Variants in MYT1L observed in about 807,000 individuals in gnomAD.
MYT1L encodes the protein myelin transcription factor 1-like protein.
A neutral mutation model predicts 126.7 loss-of-function variants in MYT1L; 12 were observed. The observed-to-expected ratio is 0.09, with a 90% CI of 0.06 to 0.15. The LOEUF is 0.15. MYT1L is among the 10% of genes least tolerant of loss of function. The pLI is 1.00. For missense variants in MYT1L, 979 were observed against 1,585.2 expected (o/e 0.62, Z 6.49); for synonymous variants, 541 against 604.2 (o/e 0.90, Z 1.53).
At chr2:2,199,332 C>T (rs775819226) in intron 2 of MYT1L, among the ~76,000 whole-genome samples, 1 of 152,144 alleles carries the variant, frequency 6.6e-6, no homozygotes, top group Non-Finnish European at 1.5e-5. Context: ...AAAAATTGTG[C>T]GGGACAGACT....
In MYT1L at chr2:1,943,616, C is replaced by T. The variant is rs931274870; in HGVS notation, c.153-282G>A. Among the ~76,000 whole-genome samples the T allele has an allele frequency of 2.0e-5, 3 of 152,262 alleles. No individual in the cohort carries two copies. Among genetic ancestry groups the T allele is most frequent in the Admixed American group, 6.5e-5 (1 of 15,286 alleles). ...TCCTCGTTCCTATAATTCCAGAGAT[C>T]CTACGAAAATTCATGAGATTGGTTT... On this transcript the variant is annotated intron_variant, in intron 8 of 24. Coordinates refer to ENST00000647738, the MANE Select transcript of MYT1L (RefSeq NM_001303052.2). This position sits in a 1 kb window ranked among gnomAD's most constrained non-coding sequence, Gnocchi z 4.4.
At position 1,960,050 on chromosome 2, in the gene MYT1L, CTGTAT is replaced by C. The variant is rs568632419; in HGVS notation, c.153-16721_153-16717del. 3.3e-5 allele frequency among the ~76,000 whole-genome samples: 5 copies of C among 152,284 alleles called. No individual in the cohort carries two copies. In the East Asian group the frequency reaches 9.6e-4, roughly 29 times the overall value. ...GCATTTAAAGACTGGCCCCCATGAGCTGTATTGTAAGATGGAGCACACGGGAGATG... is the reference window on the plus strand; with the variant it reads ...GCATTTAAAGACTGGCCCCCATGAGCTGTAAGATGGAGCACACGGGAGATG... On this transcript the variant is annotated intron_variant, in intron 8 of 24. Coordinates refer to ENST00000647738, the MANE Select transcript of MYT1L (RefSeq NM_001303052.2).
At chr2:2,238,117 T>A (rs1231947507) in intron 2 of MYT1L, among the ~76,000 whole-genome samples, 1 of 152,200 alleles carries the variant, frequency 6.6e-6, no homozygotes. Context: ...GGATATTGAA[T>A]GCTTAGATTT....
At chr2:1,794,001 A>G (rs112251587) in intron 23 of MYT1L, among the ~76,000 whole-genome samples, 5,355 of 152,172 alleles carry the variant, frequency 0.035, 148 homozygotes, top group South Asian at 0.11. Context: ...GGACCTTACT[A>G]GAGATGATGT....
Position 2,237,635 on chromosome 2 carries a change from C to T in MYT1L, c.-421+46769G>A, listed in dbSNP as rs548037204. On this transcript the variant is annotated intron_variant, in intron 2 of 24. Transcript: ENST00000647738. ...TGAGAGGAAGCCTCCCTTCAGAATG[C>T]CAGGGATGCCTCGCCTGGAGCACTC... 3.9e-5 allele frequency among the ~76,000 whole-genome samples: 6 copies of T among 152,308 alleles called. No homozygotes were observed. In the South Asian group the frequency reaches 1.0e-3, roughly 26 times the overall value.
chr2:1,945,032 C>A (rs891645405), intron 8 of MYT1L, among the ~76,000 whole-genome samples: 1 of 152,098 alleles, frequency 6.6e-6, no homozygotes, highest in African/African-American at 2.4e-5. Context: ...CCAATTAAAA[C>A]AATCTGCGAA....
intron 14 of MYT1L, among the ~76,000 whole-genome samples, chr2:1,893,430 C>G (rs1162278137): frequency 6.6e-6 from 1 of 152,138 alleles, no homozygotes; most frequent in African/African-American, 2.4e-5. Flanking sequence ...AAGAGATCCC[C>G]GCCTGCTTCC....
At chr2:1,909,936 T>C (rs2051676947) in intron 13 of MYT1L, among the ~76,000 whole-genome samples, 1 of 152,234 alleles carries the variant, frequency 6.6e-6, no homozygotes, top group South Asian at 2.1e-4. Context: ...AAAGCTTCCC[T>C]TTCATCTAGC....
intron 12 of MYT1L, among the ~76,000 whole-genome samples, chr2:1,911,656 A>T (rs903877716): frequency 6.6e-6 from 1 of 152,172 alleles, no homozygotes; most frequent in Non-Finnish European, 1.5e-5. Context: ...AAGCCAAGCT[A>T]CACACTGTAC....
intron 18 of MYT1L, chr2:1,885,066 A>T (rs1475130840): frequency 6.6e-6 from 1 of 152,252 alleles, no homozygotes; most frequent in Non-Finnish European, 1.5e-5. Flanking sequence ...CAACTTTTAC[A>T]GAGGCTGTTT....
At chr2:2,315,690 G>A (rs1473687978) in intron 1 of MYT1L, among the ~76,000 whole-genome samples, 1 of 152,064 alleles carries the variant, frequency 6.6e-6, no homozygotes, top group Admixed American at 6.6e-5. Flanking sequence ...TGGGTCCTTG[G>A]CACTTAACAT....
intron 21 of MYT1L, among the ~76,000 whole-genome samples, chr2:1,833,627 T>C (rs977970790): frequency 6.6e-6 from 1 of 152,176 alleles, no homozygotes; most frequent in Non-Finnish European, 1.5e-5. Flanking sequence ...GGTCTCATGA[T>C]AGCTGCTTTT....
intron 1 of MYT1L, among the ~76,000 whole-genome samples, chr2:2,311,262 A>G (rs2095965716): frequency 6.6e-6 from 1 of 152,246 alleles, no homozygotes; most frequent in Non-Finnish European, 1.5e-5. Context: ...GACACGAACC[A>G]TGTTGTATCT....
chr2:2,058,607 A>G (rs1171735015), intron 3 of MYT1L, among the ~76,000 whole-genome samples: 1 of 152,270 alleles, frequency 6.6e-6, no homozygotes, highest in Non-Finnish European at 1.5e-5. Flanking sequence ...ATGATCAACA[A>G]ATTTATGCTG....
chr2:1,871,323 C>T (rs1275872840), intron 18 of MYT1L, among the ~76,000 whole-genome samples: 1 of 152,256 alleles, frequency 6.6e-6, no homozygotes, highest in Non-Finnish European at 1.5e-5. Flanking sequence ...GAAGATTTGC[C>T]TCCAGACCTG....
At chr2:1,858,829 G>A (rs2044228708) in intron 18 of MYT1L, among the ~76,000 whole-genome samples, 1 of 152,232 alleles carries the variant, frequency 6.6e-6, no homozygotes, top group African/African-American at 2.4e-5. Context: ...CGCATGGGGC[G>A]TTGATATTTT....
chr2:2,235,537 C>T (rs923838568), intron 2 of MYT1L, among the ~76,000 whole-genome samples: 2 of 152,168 alleles, frequency 1.3e-5, no homozygotes, highest in African/African-American at 4.8e-5. Flanking sequence ...TACCTCCAGC[C>T]CTGTGTTTAT....
intron 1 of MYT1L, among the ~76,000 whole-genome samples, chr2:2,316,549 A>T (rs2096067577): frequency 6.6e-6 from 1 of 152,212 alleles, no homozygotes; most frequent in Non-Finnish European, 1.5e-5. Flanking sequence ...ACGTCCTGAG[A>T]AGTTAGGAAG....
chr2:2,238,068 G>A (rs548513353), intron 2 of MYT1L, among the ~76,000 whole-genome samples: 1 of 152,314 alleles, frequency 6.6e-6, no homozygotes, highest in East Asian at 1.9e-4. Context: ...GTTCAAAGAA[G>A]ATAAAGTGTT....
Sources: allele counts gnomAD v4.1 joint callset (sites outside exome capture counted in the v4.1 genomes callset), GRCh38; gene constraint gnomAD v4.1.1; non-coding constraint Gnocchi (gnomAD v3.1); transcripts MANE v1.5; gene names NCBI Gene and HGNC (gene_info 2026-07-23, HGNC 2026-07-21).